Variants in MALRD1 observed in about 807,000 individuals in gnomAD.
MALRD1 encodes MAM and LDL receptor class A domain containing 1, also known as MAM and LDL-receptor class A domain-containing protein 1.
A neutral mutation model predicts 242.1 loss-of-function variants in MALRD1; 247 were observed. That is an observed-to-expected ratio of 1.02 (90% confidence interval 0.92 to 1.13). The LOEUF (loss-of-function observed/expected upper bound fraction) is 1.13. MALRD1 is among the 50% of genes most tolerant of loss of function. MALRD1 has a pLI of 0.00. For synonymous variants in MALRD1, 995 were observed against 866.6 expected, an observed-to-expected ratio of 1.15 and a Z score of -2.60; for missense variants, 2,989 against 2,533.1, an observed-to-expected ratio of 1.18 and a Z score of -3.86.
In MALRD1 at chr10:19,327,612, G is replaced by A. The variant is rs755889835; in HGVS notation, c.3626G>A (p.Gly1209Glu). The change falls in exon 23 of 40, where the codon GGA (glycine) becomes GAA (glutamate). Residue 1209 changes from glycine (G) to glutamate (E), a missense_variant. Coordinates refer to ENST00000454679, the MANE Select transcript of MALRD1 (RefSeq NM_001142308.3). ...NVTSKLWAQT[G>E]QQGAQWKRAE... ...ACTTCTAAATTGTGGGCTCAAACTG[G>A]ACAGCAAGGTGCACAGTGGAAGAGA... 1 of 1,549,982 alleles carries A rather than the reference G, an allele frequency of 6.5e-7. No individual in the cohort carries two copies. Among genetic ancestry groups the A allele is most frequent in the African/African-American group, 1.4e-5 (1 of 73,112 alleles).
At chr10:19,223,511 A>C (rs1837650814) in intron 18 of MALRD1, among the ~76,000 whole-genome samples, 1 of 152,028 alleles carries the variant, frequency 6.6e-6, no homozygotes, top group East Asian at 1.9e-4. Flanking sequence ...TACCATTTTC[A>C]ATTTATTTAC....
chr10:19,228,700 C>G (rs901323497), intron 18 of MALRD1, among the ~76,000 whole-genome samples: 1 of 152,038 alleles, frequency 6.6e-6, no homozygotes, highest in African/African-American at 2.4e-5. Flanking sequence ...AATTAGAACA[C>G]TCTTAGGATG....
intron 28 of MALRD1, among the ~76,000 whole-genome samples, chr10:19,404,058 A>G (rs1408624977): frequency 6.6e-6 from 1 of 152,162 alleles, no homozygotes; most frequent in Non-Finnish European, 1.5e-5. Context: ...TCTAAGCAGA[A>G]GATAAACTAA....
intron 22 of MALRD1, among the ~76,000 whole-genome samples, chr10:19,326,641 A>G (rs548847355): frequency 2.0e-4 from 30 of 151,956 alleles, no homozygotes; most frequent in Non-Finnish European, 4.0e-4. Context: ...TGATCATTTC[A>G]TGATAGTTTT....
intron 38 of MALRD1, among the ~76,000 whole-genome samples, chr10:19,729,948 A>G (rs1217020316): frequency 2.0e-5 from 3 of 151,508 alleles, no homozygotes; most frequent in African/African-American, 7.3e-5. Context: ...CGTGTTAGCC[A>G]GGATGGTCTC....
intron 26 of MALRD1, among the ~76,000 whole-genome samples, chr10:19,359,606 T>C (rs550381200): frequency 2.4e-4 from 37 of 152,170 alleles, no homozygotes; most frequent in African/African-American, 7.2e-4. Context: ...TTTGTCTAAC[T>C]TGAGCTATAA....
intron 2 of MALRD1, among the ~76,000 whole-genome samples, chr10:19,085,432 T>G (rs1171034559): frequency 6.6e-6 from 1 of 151,984 alleles, no homozygotes; most frequent in Non-Finnish European, 1.5e-5. Flanking sequence ...AAGTTAAAAT[T>G]AAACATAGAA....
intron 36 of MALRD1, among the ~76,000 whole-genome samples, chr10:19,664,983 T>C (rs1042131800): frequency 6.6e-6 from 1 of 152,100 alleles, no homozygotes; most frequent in Non-Finnish European, 1.5e-5. Context: ...CAAGAGACAC[T>C]TATTAAGATT....
intron 5 of MALRD1, among the ~76,000 whole-genome samples, chr10:19,116,723 T>C (rs888228123): frequency 6.6e-6 from 1 of 152,154 alleles, no homozygotes; most frequent in Non-Finnish European, 1.5e-5. Flanking sequence ...CCACTAATCA[T>C]GTATCACTGA....
chr10:19,635,932 ACT>A (rs958142777), intron 36 of MALRD1, among the ~76,000 whole-genome samples: 3 of 151,684 alleles, frequency 2.0e-5, no homozygotes, highest in Non-Finnish European at 4.4e-5. Flanking sequence ...ACGCAGCGTC[ACT>A]CTGTCACCCA....
chr10:19,540,254 A>G (rs768242822), intron 32 of MALRD1, among the ~76,000 whole-genome samples: 4 of 152,138 alleles, frequency 2.6e-5, no homozygotes, highest in Non-Finnish European at 5.9e-5. Flanking sequence ...GCAGACATAT[A>G]ATCGTCAGAA....
At chr10:19,074,122 A>G (rs1835244841) in intron 2 of MALRD1, among the ~76,000 whole-genome samples, 1 of 152,100 alleles carries the variant, frequency 6.6e-6, no homozygotes, top group East Asian at 1.9e-4. Flanking sequence ...GTCAAGAATT[A>G]TGTCCTCCAA....
intron 31 of MALRD1, among the ~76,000 whole-genome samples, chr10:19,510,282 C>T (rs920372604): frequency 6.6e-6 from 1 of 151,592 alleles, no homozygotes; most frequent in Non-Finnish European, 1.5e-5. Flanking sequence ...CAGATGCCTT[C>T]CTCTTACCTC....
At chr10:19,163,977 G>A (rs1834560638) in intron 12 of MALRD1, among the ~76,000 whole-genome samples, 1 of 152,120 alleles carries the variant, frequency 6.6e-6, no homozygotes, top group Non-Finnish European at 1.5e-5. Context: ...TGTACAACTA[G>A]GTTTAAAGCT....
intron 26 of MALRD1, among the ~76,000 whole-genome samples, chr10:19,354,161 C>T: frequency 6.6e-6 from 1 of 151,932 alleles, no homozygotes; most frequent in East Asian, 1.9e-4. Context: ...TGAATGAGGT[C>T]ATATTTTAGG....
intron 29 of MALRD1, among the ~76,000 whole-genome samples, chr10:19,466,592 C>T (rs927129582): frequency 2.6e-5 from 4 of 152,258 alleles, no homozygotes; most frequent in South Asian, 2.1e-4. Flanking sequence ...CCTCTCTCCA[C>T]GGCTTGAAGA....
chr10:19,246,608 C>A, intron 18 of MALRD1, among the ~76,000 whole-genome samples: 1 of 151,986 alleles, frequency 6.6e-6, no homozygotes, highest in East Asian at 1.9e-4. Context: ...CATCAGAGTA[C>A]AAGAACAAAA....
At chr10:19,180,181 G>T (rs963583198) in intron 14 of MALRD1, among the ~76,000 whole-genome samples, 1 of 152,302 alleles carries the variant, frequency 6.6e-6, no homozygotes, top group Admixed American at 6.5e-5. Context: ...TTTTCCAGAA[G>T]TGTGGTGGCG....
At chr10:19,503,312 A>G (rs1221046138) in intron 31 of MALRD1, among the ~76,000 whole-genome samples, 1 of 152,252 alleles carries the variant, frequency 6.6e-6, no homozygotes, top group Non-Finnish European at 1.5e-5. Flanking sequence ...CAGTGAGCCT[A>G]TGGTCTATTT....
Sources: allele counts gnomAD v4.1 joint callset (sites outside exome capture counted in the v4.1 genomes callset), GRCh38; gene constraint gnomAD v4.1.1; transcripts MANE v1.5; gene names NCBI Gene and HGNC (gene_info 2026-07-23, HGNC 2026-07-21).